Variants in SUMO2 observed in about 807,000 individuals in gnomAD.
The protein encoded by SUMO2 is small ubiquitin-related modifier 2.
Under a neutral mutation model 16.0 loss-of-function variants are expected in SUMO2, and 1 was observed. That is an observed-to-expected ratio of 0.06 (90% CI 0.02 to 0.30). The LOEUF is 0.30. SUMO2 is among the 10% of genes least tolerant of loss of function. The probability of loss-of-function intolerance (pLI) is 1.00; values close to 1 mark genes in which losing one functional copy is unlikely to be tolerated. For synonymous variants in SUMO2, 36 were observed against 40.6 expected (o/e 0.89, Z 0.43); for missense variants, 16 against 117.5 (o/e 0.14, Z 3.99).
chr17:75,181,835 C>G (rs778071064), intron 1 of SUMO2, among the ~76,000 whole-genome samples: 2 of 152,158 alleles, frequency 1.3e-5, no homozygotes, highest in Admixed American at 6.6e-5. Context: ...TCCCCTCCCC[C>G]CCTTTGTTGT....
chr17:75,174,066 G>T (rs2074762925), intron 3 of SUMO2, among the ~76,000 whole-genome samples: 1 of 152,192 alleles, frequency 6.6e-6, no homozygotes, highest in Non-Finnish European at 1.5e-5. Context: ...ACGTAAAAGA[G>T]AATTTCAATT....
At position 75,172,303 on chromosome 17, in the gene SUMO2, G is replaced by C. The variant is rs2074746048; in HGVS notation, c.225+2449C>G. Among the ~76,000 whole-genome samples the C allele has an allele frequency of 1.3e-5, 2 of 148,190 alleles. 1 individual carries two copies. Among genetic ancestry groups the C allele is most frequent in the South Asian group, 4.3e-4 (2 of 4,686 alleles). ...GGCCTCCCAAAGTGCTAGGATTACA[G>C]TCGTGAGCTACTGTACCCAGACTTT... is the stretch of plus-strand genomic sequence containing the variant. On this transcript the variant is annotated intron_variant, in intron 3 of 3. Transcript: ENST00000420826.
At chr17:75,175,416 G>A (rs1456366432) in intron 2 of SUMO2, among the ~76,000 whole-genome samples, 1 of 151,900 alleles carries the variant, frequency 6.6e-6, no homozygotes, top group Admixed American at 6.6e-5. Context: ...CACCTTTTGG[G>A]TTCAAGCAAT....
At chr17:75,182,708 G>A in intron 1 of SUMO2, 106 bp downstream of exon 1, 1 of 1,024,554 alleles carries the variant, frequency 9.8e-7, no homozygotes, top group Non-Finnish European at 1.3e-6. Context: ...GGCCCCGTGG[G>A]GGGCCCGGGA....
At chr17:75,181,295 C>T in intron 1 of SUMO2, 107 bp from the exon 2 acceptor site, 1 of 1,199,216 alleles carries the variant, frequency 8.3e-7, no homozygotes, top group South Asian at 1.5e-5. Flanking sequence ...GTTTCTCATA[C>T]TGTATGCTAA....
chr17:75,181,787 G>A (rs185747733), intron 1 of SUMO2, among the ~76,000 whole-genome samples: 1 of 152,032 alleles, frequency 6.6e-6, no homozygotes, highest in Non-Finnish European at 1.5e-5. Flanking sequence ...TCCTCTATTA[G>A]CAGCTTCATT....
At chr17:75,175,622 TTTG>T (rs137884164) in intron 2 of SUMO2, among the ~76,000 whole-genome samples, 2,561 of 151,138 alleles carry the variant, frequency 0.017, 81 homozygotes, top group African/African-American at 0.058. Context: ...GCCCGGCCTG[TTTG>T]TTGTTGTTGT....
chr17:75,171,190 C>T (rs1439154787), intron 3 of SUMO2, among the ~76,000 whole-genome samples: 1 of 151,520 alleles, frequency 6.6e-6, no homozygotes, highest in East Asian at 2.0e-4. Context: ...AGTGCAATGG[C>T]GCAATCTTGG....
chr17:75,169,567 T>C (rs937896424), intron 3 of SUMO2, among the ~76,000 whole-genome samples: 8 of 151,832 alleles, frequency 5.3e-5, no homozygotes, highest in African/African-American at 1.9e-4. Context: ...GTATTTTTAG[T>C]AGAGACGGGG....
intron 2 of SUMO2, among the ~76,000 whole-genome samples, chr17:75,177,362 T>C (rs1424523301): frequency 6.6e-6 from 1 of 150,544 alleles, no homozygotes; most frequent in Non-Finnish European, 1.5e-5. Context: ...CAAGACTCCA[T>C]CTCAAAAAAA....
chr17:75,180,464 G>A (rs2145226843), intron 2 of SUMO2, among the ~76,000 whole-genome samples: 1 of 129,770 alleles, frequency 7.7e-6, no homozygotes, highest in Admixed American at 9.0e-5. Flanking sequence ...TGTAATCCCA[G>A]CACTTTGGAA....
At chr17:75,174,963 G>A in intron 2 of SUMO2, 140 bp from the exon 3 acceptor site, 2 of 730,562 alleles carry the variant, frequency 2.7e-6, no homozygotes, top group Non-Finnish European at 4.4e-6. Context: ...ATACCCTATA[G>A]GTAAAAAGAT....
At position 75,166,297 on chromosome 17, in the gene SUMO2, G is replaced by A. The variant is rs1374174883; in HGVS notation, c.*2042C>T. 5.9e-5 allele frequency: 9 copies of A among 152,124 alleles called. No individual in the cohort carries two copies. Among genetic ancestry groups the A allele is most frequent in the African/African-American group, 2.2e-4 (9 of 41,402 alleles). 9.4% of individuals were successfully genotyped at this position (152,124 alleles called of 1,614,324 possible). ...TGGAGACCAGCCTGACCAACATAGA[G>A]AAACCCCTTCTCTACTAAAAATACA... On this transcript the variant is annotated 3_prime_UTR_variant, in exon 4 of 4. Transcript: ENST00000420826.
chr17:75,172,044 T>C (rs1480642219), intron 3 of SUMO2, among the ~76,000 whole-genome samples: 1 of 151,458 alleles, frequency 6.6e-6, no homozygotes, highest in Non-Finnish European at 1.5e-5. Flanking sequence ...TTTCACTCTT[T>C]CACCCAAGCT....
intron 3 of SUMO2, among the ~76,000 whole-genome samples, chr17:75,169,160 A>C (rs1002264906): frequency 1.8e-4 from 28 of 152,050 alleles, no homozygotes; most frequent in African/African-American, 6.5e-4. Context: ...TGAGCCCATA[A>C]GATCAAGGCT....
chr17:75,177,660 A>G (rs2074792949), intron 2 of SUMO2, among the ~76,000 whole-genome samples: 1 of 151,536 alleles, frequency 6.6e-6, no homozygotes, highest in Non-Finnish European at 1.5e-5. Flanking sequence ...CAGCCTCAGT[A>G]ACAAGAGGAA....
chr17:75,178,290 C>T (rs968537693), intron 2 of SUMO2, among the ~76,000 whole-genome samples: 4 of 151,546 alleles, frequency 2.6e-5, no homozygotes, highest in Non-Finnish European at 4.4e-5. Flanking sequence ...CCGAAGCAGG[C>T]GGATCACGAG....
chr17:75,182,156 T>TAGGG, intron 1 of SUMO2, among the ~76,000 whole-genome samples: 1 of 152,196 alleles, frequency 6.6e-6, no homozygotes, highest in Non-Finnish European at 1.5e-5. Flanking sequence ...GTTCGCGGAT[T>TAGGG]AGGGGTTCGT....
chr17:75,175,778 G>A (rs918688974), intron 2 of SUMO2, among the ~76,000 whole-genome samples: 16 of 151,060 alleles, frequency 1.1e-4, no homozygotes, highest in African/African-American at 2.4e-4. Context: ...GATTACAGGC[G>A]CTTGCCATCA....
Sources: gnomAD v4.1 joint callset for allele counts (sites outside exome capture counted in the v4.1 genomes callset) on GRCh38, gnomAD v4.1.1 for gene constraint, MANE v1.5 for transcripts, NCBI Gene and HGNC (gene_info 2026-07-23, HGNC 2026-07-21) for gene names.